The following TH variants were observed in gnomAD, a reference collection of about 807,000 sequenced individuals.
The protein encoded by TH is tyrosine 3-monooxygenase.
Under a neutral mutation model 57.4 loss-of-function variants are expected in TH, and 49 were observed. That is an observed-to-expected ratio of 0.85 (90% CI 0.68 to 1.08). The LOEUF (loss-of-function observed/expected upper bound fraction) is 1.08, where lower values mean the gene tolerates loss of function less well. Among genes scored for constraint, TH ranks in the 50% least tolerant of loss-of-function variants. The probability of loss-of-function intolerance (pLI) is 0.00; values close to 1 mark genes in which losing one functional copy is unlikely to be tolerated. For synonymous variants in TH, 330 were observed against 304.5 expected (o/e 1.08, Z -0.87); for missense variants, 720 against 696.7 (o/e 1.03, Z -0.38).
chr11:2,164,272 C>T lies in TH; in HGVS notation c.1455G>A (p.Glu485=). The T allele has an allele frequency of 1.3e-6, 2 of 1,501,384 alleles. No homozygotes were observed. Among genetic ancestry groups the T allele is most frequent in the African/African-American group, 1.4e-5 (1 of 70,370 alleles). 93.0% of individuals were successfully genotyped at this position (1,501,384 alleles called of 1,614,324 possible). The part of the protein sequence containing the change: ...VRRSLEGVQD[E]LDTLAHALSA... ...TCAGCGCATGGGCAAGGGTGTCCAG[C>T]TCATCCTGGACACCCTCCAGGGAGC... Residue 485 remains glutamate (E), a synonymous_variant, in exon 13 of 13, where the codon GAG becomes GAA. Transcript: ENST00000352909.
Position 2,164,067 on chromosome 11 carries a change from G to A in TH, c.*166C>T, listed in dbSNP as rs888517763. ...ACCACAGGCAGCACAACCTCACCAC[G>A]GGCACACACAGCTGTTGCGCTGAGA... is the stretch of plus-strand genomic sequence containing the variant. On this transcript the variant is annotated 3_prime_UTR_variant, in exon 13 of 13. Transcript: ENST00000352909. 7.1e-6 allele frequency: 4 copies of A among 564,058 alleles called. No individual in the cohort carries two copies. Among genetic ancestry groups the A allele is most frequent in the South Asian group, 6.0e-5 (1 of 16,730 alleles). 34.9% of individuals were successfully genotyped at this position (564,058 alleles called of 1,614,324 possible). A position where few individuals can be genotyped will look rare whatever the true frequency, so the allele number is the denominator to read the frequency against.
chr11:2,165,422 T>C (rs562291916), intron 11 of TH, 57 bp from the exon 12 acceptor site: 223 of 1,601,206 alleles, frequency 1.4e-4, no homozygotes, highest in Middle Eastern at 6.8e-4. Flanking sequence ...CCGAGGGAAC[T>C]GGGGCACCGT....
Position 2,170,546 on chromosome 11 carries a change from C to T in TH, c.91-675G>A. ...TGGACAGAGGGGGACTTGGCAGACACCTGGGGCTCATCCCTTGGAGCTGAA... is the reference window on the plus strand; with the variant it reads ...TGGACAGAGGGGGACTTGGCAGACATCTGGGGCTCATCCCTTGGAGCTGAA... On this transcript the variant is annotated intron_variant, in intron 1 of 12. Transcript: ENST00000352909. This position sits in a 1 kb window ranked among gnomAD's most constrained non-coding sequence, Gnocchi z 6.0. 1 of 805,764 alleles carries T rather than the reference C, an allele frequency of 1.2e-6. No individual in the cohort carries two copies. Among genetic ancestry groups the T allele is most frequent in the Non-Finnish European group, 2.1e-6 (1 of 479,098 alleles). 49.9% of individuals were successfully genotyped at this position (805,764 alleles called of 1,614,324 possible). A position where few individuals can be genotyped will look rare whatever the true frequency, so the allele number is the denominator to read the frequency against.
chr11:2,168,031 G>A (rs1846149675), intron 4 of TH, 60 bp downstream of exon 4: 1 of 1,610,600 alleles, frequency 6.2e-7, no homozygotes. Context: ...TCCAGGGTTG[G>A]GCTAAGGGTA....
chr11:2,168,685 A>AAG lies in TH; in HGVS notation c.313-22_313-21dup. The AAG allele has an allele frequency of 7.3e-7, 1 of 1,374,836 alleles. No individual in the cohort carries two copies. Among genetic ancestry groups the AAG allele is most frequent in the South Asian group, 1.1e-5 (1 of 87,066 alleles). 85.2% of individuals were successfully genotyped at this position (1,374,836 alleles called of 1,614,324 possible). The stretch of plus-strand genomic sequence containing the variant: ...AAACGTCTTAGGGAGCAAAAGCAGG[A>AAG]AGAGAGAGAGAAGGAGAAAGAGACA... On this transcript the variant is annotated intron_variant, in intron 2 of 12. Transcript: ENST00000352909.
chr11:2,166,483 C>T lies in TH; in HGVS notation c.1044G>A (p.Ser348=), dbSNP rs746229209. ...MLADRTFAQF[S]QDIGLASLGA... is the part of the protein sequence containing the mutation. ...TCCCTCCGAGGCCGCGGCGTACCTG[C>T]GAGAACTGCGCGAAGGTGCGGTCGG... Residue 348 remains serine, a synonymous_variant, in exon 9 of 13, where the codon TCG becomes TCA. Transcript: ENST00000352909. The T allele has an allele frequency of 1.4e-5, 22 of 1,586,922 alleles. No individual in the cohort carries two copies. The highest frequency in any genetic ancestry group is 5.4e-5 in the African/African-American group (4 of 74,630).
intron 5 of TH, 67 bp downstream of exon 5, chr11:2,167,799 C>G: frequency 6.6e-7 from 1 of 1,517,030 alleles, no homozygotes; most frequent in South Asian, 1.2e-5. Flanking sequence ...GTCCTTCCCT[C>G]CCACCCCCCA....
chr11:2,170,821 G>GCGGGGGAGGA lies in TH; in HGVS notation c.90+866_90+875dup, dbSNP rs1846233827. 1.6e-6 allele frequency: 1 copy of GCGGGGGAGGA among 613,212 alleles called. No individual in the cohort carries two copies. Among genetic ancestry groups the GCGGGGGAGGA allele is most frequent in the Non-Finnish European group, 2.9e-6 (1 of 350,768 alleles). 38.0% of individuals were successfully genotyped at this position (613,212 alleles called of 1,614,324 possible). A position where few individuals can be genotyped will look rare whatever the true frequency, so the allele number is the denominator to read the frequency against. On this transcript the variant is annotated intron_variant, in intron 1 of 12. Coordinates refer to ENST00000352909, the MANE Select transcript of TH (RefSeq NM_000360.4). This position sits in a 1 kb window ranked among gnomAD's most constrained non-coding sequence, Gnocchi z 6.0. ...GCCTGGTGGGGGAGGGTAGGGGAGG[G>GCGGGGGAGGA]CGGGGGAGGACGGGGGAGGGCGCCC...
At position 2,167,437 on chromosome 11, in the gene TH, G is replaced by A. The variant is rs753803089; in HGVS notation, c.693C>T (p.Thr231=). ...CCCTAGCTGCACGGAGGTCTCACCA[G>A]GTGGCAATCTCCTCGGCGGTGTACT... ...RVEYTAEEIA[T]WKEVYTTLKG... Residue 231 remains threonine (T), a splice_region_variant and synonymous_variant, in exon 6 of 13, where the codon ACC becomes ACT. Transcript: ENST00000352909. 2 of 1,561,928 alleles carry A rather than the reference G, an allele frequency of 1.3e-6. No individual in the cohort carries two copies. The highest frequency in any genetic ancestry group is 1.4e-5 in the African/African-American group (1 of 73,884).
chr11:2,166,973 A>C lies in TH; in HGVS notation c.755T>G (p.Leu252Arg), dbSNP rs978552119. 3 of 1,594,136 alleles carry C rather than the reference A, an allele frequency of 1.9e-6. No individual in the cohort carries two copies. In the African/African-American group the frequency reaches 4.0e-5, roughly 21 times the overall value. The change falls in exon 7 of 13, where the codon CTG (leucine) becomes CGG (arginine). Residue 252 changes from leucine to arginine, a missense_variant. Transcript: ENST00000352909. ...LYATHACGEH[L>R]EAFALLERFS... ...GCGCTCCAGCAAAGCAAAGGCCTCC[A>C]GGTGCTCCCCGCAGGCGTGCGTGGC...
rs374772644 is a variant in TH at position 2,165,312 on chromosome 11, G to C, written c.1254C>G (p.Ala418=). Residue 418 remains alanine (A), a synonymous_variant, in exon 12 of 13, where the codon GCC becomes GCG. Transcript: ENST00000352909. ...ACGTCTGGTCTTGGTAGGGCTGCAC[G>C]GCCGCAGCCTCAGGGTCGAAGGCCC... ...EIRAFDPEAA[A]VQPYQDQTYQ... 1 of 1,612,636 alleles carries C rather than the reference G, an allele frequency of 6.2e-7. No individual in the cohort carries two copies. The highest frequency in any genetic ancestry group is 1.1e-5 in the South Asian group (1 of 91,070).
At chr11:2,165,091 T>TG in intron 12 of TH, 141 bp downstream of exon 12, 1 of 1,252,830 alleles carries the variant, frequency 8.0e-7, no homozygotes, top group Non-Finnish European at 1.1e-6. Context: ...CCCTGCTGTG[T>TG]GGGGGCTGCT....
At chr11:2,167,625 A>G (rs1357134875) in intron 5 of TH, 140 bp from the exon 6 acceptor site, 1 of 1,157,606 alleles carries the variant, frequency 8.6e-7, no homozygotes, top group African/African-American at 1.5e-5. Context: ...AGGAGGGTGC[A>G]CCCCAGCTGA....
Position 2,164,408 on chromosome 11 carries a change from G to A in TH, c.1335-16C>T. The A allele has an allele frequency of 6.5e-7, 1 of 1,541,720 alleles. No individual in the cohort carries two copies. Among genetic ancestry groups the A allele is most frequent in the Non-Finnish European group, 8.7e-7 (1 of 1,144,428 alleles). On this transcript the variant is annotated splice_polypyrimidine_tract_variant and intron_variant, in intron 12 of 12. Coordinates refer to ENST00000352909, the MANE Select transcript of TH (RefSeq NM_000360.4). ...GGCATAGCTCCTGGGGAGGAGAGCG[G>A]CAGAGCCCTCGTCAACTGGCGGGCA...
intron 6 of TH, 75 bp downstream of exon 6, chr11:2,167,360 C>T (rs1276123198): frequency 8.8e-6 from 13 of 1,484,412 alleles, no homozygotes; most frequent in South Asian, 3.6e-5. Flanking sequence ...TCCCTGGAGG[C>T]GGCCCTCACA....
In TH at chr11:2,166,905, C is replaced by T. The variant is rs770941754; in HGVS notation, c.823G>A (p.Val275Ile). The T allele has an allele frequency of 1.4e-5, 22 of 1,604,668 alleles. No homozygotes were observed. Among genetic ancestry groups the T allele is most frequent in the Admixed American group, 5.1e-5 (3 of 58,986 alleles). ...REDNIPQLEDVSRFLKERTGF... is the reference protein window; with the variant it reads ...REDNIPQLEDISRFLKERTGF... Reference sequence around the variant, plus strand: ...GGCACACCCTTCAGGAAGCGGGAGACGTCCTCCAGCTGGGGGATATTGTCT... The same window carrying T: ...GGCACACCCTTCAGGAAGCGGGAGATGTCCTCCAGCTGGGGGATATTGTCT... Residue 275 changes from valine (V) to isoleucine (I), a missense_variant, in exon 7 of 13, where the codon GTC (valine) becomes ATC (isoleucine). Physicochemically the swap from Val to Ile is conservative, Grantham distance 29. Coordinates refer to ENST00000352909, the MANE Select transcript of TH (RefSeq NM_000360.4).
rs1846240945 is a variant in TH at position 2,171,053 on chromosome 11, G to A, written c.90+644C>T. 6.6e-6 allele frequency among the ~76,000 whole-genome samples: 1 copy of A among 151,908 alleles called. No homozygotes were observed. The highest frequency in any genetic ancestry group is 2.4e-5 in the African/African-American group (1 of 41,346). ...ACAGTCCCCTGTACACAGGGCTTCC[G>A]AGTGCAGGTCACAGGGAACACAGAC... On this transcript the variant is annotated intron_variant, in intron 1 of 12. Coordinates refer to ENST00000352909, the MANE Select transcript of TH (RefSeq NM_000360.4). This position sits in a 1 kb window ranked among gnomAD's most constrained non-coding sequence, Gnocchi z 8.6.
rs908536970 is a variant in TH at position 2,165,468 on chromosome 11, C to G, written c.1201-103G>C. The G allele has an allele frequency of 1.0e-5, 16 of 1,533,002 alleles. No individual in the cohort carries two copies. In the East Asian group the frequency reaches 2.7e-4, roughly 26 times the overall value. 95.0% of individuals were successfully genotyped at this position (1,533,002 alleles called of 1,614,324 possible). A position where few individuals can be genotyped will look rare whatever the true frequency, so the allele number is the denominator to read the frequency against. ...TGGGTGGGTTCCTTGGGTAGAGTCA[C>G]CCCCATCTCCCCCGCCGGGCCTTCG... is the stretch of plus-strand genomic sequence containing the variant. On this transcript the variant is annotated intron_variant, in intron 11 of 12. Transcript: ENST00000352909.
In TH at chr11:2,165,863, C is replaced by G. The variant is rs11826130; in HGVS notation, c.1105-100G>C. ...GGATACCACCCCCAGGGAGGCCAGG[C>G]CAGGATGCAGGCAGGCCAGGGTGAG... On this transcript the variant is annotated intron_variant, in intron 10 of 12. Transcript: ENST00000352909. 3.0e-3 allele frequency: 4,574 copies of G among 1,518,984 alleles called. 106 individuals carry two copies. The African/African-American group carries it at 0.052, about 17-fold the overall frequency. 94.1% of individuals were successfully genotyped at this position (1,518,984 alleles called of 1,614,324 possible).
Sources: gnomAD v4.1 joint callset for allele counts (sites outside exome capture counted in the v4.1 genomes callset) on GRCh38, gnomAD v4.1.1 for gene constraint, Gnocchi (gnomAD v3.1) non-coding constraint, MANE v1.5 for transcripts, NCBI Gene and HGNC (gene_info 2026-07-23, HGNC 2026-07-21) for gene names.